The following KDM6A variants were observed in gnomAD, a reference collection of about 807,000 sequenced individuals.
KDM6A encodes the protein lysine demethylase 6A.
Under a neutral mutation model 117.6 loss-of-function variants are expected in KDM6A, and 11 were observed. That is an observed-to-expected ratio of 0.09 (90% CI 0.06 to 0.15). KDM6A has a LOEUF of 0.15. Among genes scored for constraint, KDM6A ranks in the 10% least tolerant of loss-of-function variants. The pLI is 1.00. For synonymous variants in KDM6A, 384 were observed against 396.1 expected (o/e 0.97, Z 0.36); for missense variants, 799 against 1,077.3 (o/e 0.74, Z 3.62).
At chrX:45,008,549 C>T (rs1322712982) in intron 4 of KDM6A, among the ~76,000 whole-genome samples, 1 of 110,512 alleles carries the variant, frequency 9.0e-6, no homozygotes, top group Non-Finnish European at 1.9e-5. Flanking sequence ...TTAGGTAGAA[C>T]ACTAAATGAC....
chrX:44,873,782 G>A, intron 1 of KDM6A, 70 bp downstream of exon 1: 1 of 1,150,199 alleles, frequency 8.7e-7, no homozygotes, highest in Non-Finnish European at 1.2e-6. Flanking sequence ...AGGACCGAGC[G>A]CGGCTTGTCT....
At chrX:44,907,365 C>T (rs2034750788) in intron 2 of KDM6A, among the ~76,000 whole-genome samples, 1 of 110,718 alleles carries the variant, frequency 9.0e-6, no homozygotes, top group Admixed American at 9.6e-5. Flanking sequence ...GCAACCTCTG[C>T]CTCCCGGGTT....
intron 4 of KDM6A, among the ~76,000 whole-genome samples, chrX:45,000,677 G>A (rs1209783023): frequency 1.8e-5 from 2 of 112,982 alleles, no homozygotes; most frequent in South Asian, 3.6e-4. Context: ...TGAGAGACAC[G>A]AAGTGAACTT....
Position 44,873,217 on chromosome X carries a change from T to G in KDM6A, c.-335T>G. The G allele has an allele frequency of 7.6e-6, 2 of 261,876 alleles. No individual in the cohort carries two copies. Among genetic ancestry groups the G allele is most frequent in the Admixed American group, 6.9e-5 (1 of 14,449 alleles). The allele number at this position is 261,876 out of a possible 1,213,427, so 21.6% of individuals were successfully genotyped here. On this transcript the variant is annotated 5_prime_UTR_variant, in exon 1 of 30. Coordinates refer to ENST00000611820, the MANE Select transcript of KDM6A (RefSeq NM_001291415.2). The stretch of plus-strand genomic sequence containing the variant: ...CAACTTTGTGCTGGTGCCGGGGAAG[T>G]TTGTGTCTCCAACGAATCCCCTCAG...
At chrX:44,966,523 C>T (rs2039019217) in intron 3 of KDM6A, among the ~76,000 whole-genome samples, 1 of 110,510 alleles carries the variant, frequency 9.0e-6, no homozygotes, top group South Asian at 3.8e-4. Flanking sequence ...GAAGGGAGGG[C>T]ATGTGGCAAC....
At chrX:44,931,081 T>C (rs1263406254) in intron 2 of KDM6A, among the ~76,000 whole-genome samples, 2 of 111,044 alleles carry the variant, frequency 1.8e-5, no homozygotes, top group Non-Finnish European at 3.8e-5. Flanking sequence ...ACTTTTTTTT[T>C]CTTTTTTTGG....
At chrX:45,054,018 AT>A (rs1173033067) in intron 10 of KDM6A, 63 bp downstream of exon 10, 1 of 1,087,522 alleles carries the variant, frequency 9.2e-7, no homozygotes, top group African/African-American at 1.8e-5. Flanking sequence ...TTGAATTACA[AT>A]TTAAAATGTT....
chrX:45,005,923 A>C (rs2041416919), intron 4 of KDM6A, among the ~76,000 whole-genome samples: 1 of 98,992 alleles, frequency 1.0e-5, no homozygotes, highest in African/African-American at 3.7e-5. Flanking sequence ...TTAACCTGTA[A>C]GCCACCCCAA....
chrX:44,916,061 T>C (rs1351716611), intron 2 of KDM6A, among the ~76,000 whole-genome samples: 1 of 111,547 alleles, frequency 9.0e-6, no homozygotes, highest in Non-Finnish European at 1.9e-5. Flanking sequence ...TTATTAGTTA[T>C]TGTTAATCTA....
chrX:44,971,362 A>G (rs1466984540), intron 3 of KDM6A, among the ~76,000 whole-genome samples: 1 of 111,791 alleles, frequency 8.9e-6, no homozygotes, highest in East Asian at 2.8e-4. Context: ...AGCATTATTC[A>G]TATGTAAAAG....
chrX:45,036,350 G>A (rs1030802489), intron 7 of KDM6A, among the ~76,000 whole-genome samples: 1 of 111,966 alleles, frequency 8.9e-6, no homozygotes, highest in Non-Finnish European at 1.9e-5. Flanking sequence ...AGAATTTTCA[G>A]TATAACGTGG....
intron 6 of KDM6A, among the ~76,000 whole-genome samples, chrX:45,033,677 C>T (rs148118899): frequency 0.073 from 8,028 of 109,909 alleles, 652 homozygotes; most frequent in African/African-American, 0.24. Context: ...TCTCAGCCTC[C>T]GGAGTAGCTG....
chrX:45,054,234 A>G (rs1436549259), intron 10 of KDM6A, among the ~76,000 whole-genome samples: 1 of 111,748 alleles, frequency 8.9e-6, no homozygotes, highest in Non-Finnish European at 1.9e-5. Context: ...GTCTTATCCA[A>G]TAGTAACTTT....
At chrX:45,051,867 G>A in intron 9 of KDM6A, 65 bp downstream of exon 9, 1 of 629,978 alleles carries the variant, frequency 1.6e-6, no homozygotes, top group Non-Finnish European at 2.6e-6. Flanking sequence ...CATGTCGAGT[G>A]TGGCAAATAT....
At chrX:44,947,271 T>C (rs1171164981) in intron 2 of KDM6A, among the ~76,000 whole-genome samples, 1 of 111,452 alleles carries the variant, frequency 9.0e-6, no homozygotes, top group Non-Finnish European at 1.9e-5. Flanking sequence ...CTGTGTTTGA[T>C]TTTGGCCTGT....
At chrX:44,929,231 A>C (rs2036485423) in intron 2 of KDM6A, among the ~76,000 whole-genome samples, 1 of 103,755 alleles carries the variant, frequency 9.6e-6, no homozygotes, top group Non-Finnish European at 1.9e-5. Context: ...TTAAAAAGAA[A>C]TGTCTAAGGG....
chrX:45,067,840 CAG>C (rs2044609618), intron 17 of KDM6A, among the ~76,000 whole-genome samples: 1 of 109,605 alleles, frequency 9.1e-6, no homozygotes, highest in Admixed American at 9.7e-5. Context: ...TTAATAGAGA[CAG>C]GGCTTCACCA....
chrX:45,058,929 A>T lies in KDM6A; in HGVS notation c.876-77A>T, dbSNP rs1189249023. ...AAAAATTTGCTGTGATATATAGTCCATCCTTTCAGCCGATTAATTTGTTTC... is the reference window on the plus strand; with the variant it reads ...AAAAATTTGCTGTGATATATAGTCCTTCCTTTCAGCCGATTAATTTGTTTC... On this transcript the variant is annotated intron_variant, in intron 10 of 29. Coordinates refer to ENST00000611820, the MANE Select transcript of KDM6A (RefSeq NM_001291415.2). 4 of 935,524 alleles carry T rather than the reference A, an allele frequency of 4.3e-6. No individual in the cohort carries two copies. In the African/African-American group the frequency reaches 7.9e-5, roughly 18 times the overall value. The allele number at this position is 935,524 out of a possible 1,213,427, so 77.1% of individuals were successfully genotyped here.
chrX:45,053,427 T>C (rs1188438166), intron 9 of KDM6A, among the ~76,000 whole-genome samples: 1 of 111,821 alleles, frequency 8.9e-6, no homozygotes, highest in East Asian at 2.8e-4. Flanking sequence ...CGAGACTCTG[T>C]CTCAGGAAAA....
Sources: gnomAD v4.1 joint callset for allele counts (sites outside exome capture counted in the v4.1 genomes callset) on GRCh38, gnomAD v4.1.1 for gene constraint, MANE v1.5 for transcripts, NCBI Gene and HGNC (gene_info 2026-07-23, HGNC 2026-07-21) for gene names.